RBM27: variants seen among roughly 807,000 people sequenced by gnomAD.
RBM27 encodes RNA binding motif protein 27.
A neutral mutation model predicts 135.3 loss-of-function variants in RBM27; 22 were observed. That is an observed-to-expected ratio of 0.16 (90% CI 0.12 to 0.23). The LOEUF (loss-of-function observed/expected upper bound fraction) is 0.23. Among genes scored for constraint, RBM27 ranks in the 10% least tolerant of loss-of-function variants. RBM27 has a pLI of 1.00. For missense variants in RBM27, 1,009 were observed against 1,281.0 expected, an observed-to-expected ratio of 0.79 and a Z score of 3.24; for synonymous variants, 481 against 442.4, an observed-to-expected ratio of 1.09 and a Z score of -1.10.
At chr5:146,284,255 T>C (rs2126924510) in intron 19 of RBM27, among the ~76,000 whole-genome samples, 1 of 152,304 alleles carries the variant, frequency 6.6e-6, no homozygotes, top group East Asian at 1.9e-4. Context: ...TTTCTAAGGT[T>C]TGAGTCTATA....
intron 19 of RBM27, among the ~76,000 whole-genome samples, chr5:146,275,013 A>G (rs1320881871): frequency 2.0e-5 from 3 of 150,638 alleles, no homozygotes; most frequent in East Asian, 1.9e-4. Flanking sequence ...TTGTACTTCA[A>G]TGGATGAACA....
chr5:146,237,927 A>G (rs1048232892), intron 8 of RBM27, among the ~76,000 whole-genome samples: 2 of 152,098 alleles, frequency 1.3e-5, no homozygotes, highest in Non-Finnish European at 2.9e-5. Context: ...ACCTCAGGTG[A>G]TCTACCTGCC....
At chr5:146,243,599 A>T (rs1437991511) in intron 8 of RBM27, among the ~76,000 whole-genome samples, 1 of 152,236 alleles carries the variant, frequency 6.6e-6, no homozygotes, top group African/African-American at 2.4e-5. Context: ...CTCAACTCGT[A>T]CTATAATTGG....
At chr5:146,208,291 G>T (rs1258777977) in intron 1 of RBM27, among the ~76,000 whole-genome samples, 2 of 152,148 alleles carry the variant, frequency 1.3e-5, no homozygotes, top group Non-Finnish European at 2.9e-5. Flanking sequence ...GTTTACAGTT[G>T]ATTATTCCCT....
intron 8 of RBM27, among the ~76,000 whole-genome samples, chr5:146,243,648 A>T (rs1224551958): frequency 6.6e-6 from 1 of 152,254 alleles, no homozygotes; most frequent in African/African-American, 2.4e-5. Flanking sequence ...CAAATAAAGT[A>T]AAAAGCTATA....
At chr5:146,283,552 A>T (rs1561573386) in intron 19 of RBM27, among the ~76,000 whole-genome samples, 1 of 152,226 alleles carries the variant, frequency 6.6e-6, no homozygotes, top group East Asian at 1.9e-4. Flanking sequence ...AGAAAAAAAA[A>T]AGGTACATAT....
intron 8 of RBM27, among the ~76,000 whole-genome samples, chr5:146,238,319 A>G (rs991528496): frequency 3.9e-5 from 6 of 151,976 alleles, no homozygotes; most frequent in African/African-American, 1.4e-4. Flanking sequence ...GACCATCCTG[A>G]CCAACATGGA....
Position 146,203,838 on chromosome 5 carries a change from G to C in RBM27, c.59+14G>C, listed in dbSNP as rs577276257. On this transcript the variant is annotated intron_variant, in intron 1 of 20. Transcript: ENST00000265271. ...ACTGGAGCCGATGTGAGTGAGCCGG[G>C]CTGGGCCGGGGCCGGCGAACGTGGG... 9.7e-6 allele frequency: 15 copies of C among 1,547,546 alleles called. No individual in the cohort carries two copies. The highest frequency in any genetic ancestry group is 8.4e-5 in the South Asian group (7 of 83,710).
chr5:146,218,885 T>G, intron 1 of RBM27, 100 bp from the exon 2 acceptor site: 1 of 664,434 alleles, frequency 1.5e-6, no homozygotes, highest in Non-Finnish European at 2.5e-6. Context: ...GAATAGAGTT[T>G]TGATTTCTCG....
In RBM27 at chr5:146,230,695, G is replaced by T; in HGVS notation, c.628G>T (p.Asp210Tyr). Reference sequence around the variant, plus strand: ...ATCGAAGTTTAAGAGTGAAAGGAATGACCTGGAGAGTTCCTATGTGCCTGT... The same window carrying T: ...ATCGAAGTTTAAGAGTGAAAGGAATTACCTGGAGAGTTCCTATGTGCCTGT... ...ERSKFKSERN[D>Y]LESSYVPVSA... The change falls in exon 6 of 21, where the codon GAC becomes TAC. Residue 210 changes from aspartate to tyrosine, a missense_variant. Physicochemically the swap from Asp to Tyr is radical, Grantham distance 160 (BLOSUM62 -3). Coordinates refer to ENST00000265271, the MANE Select transcript of RBM27 (RefSeq NM_018989.2). 1 of 1,613,998 alleles carries T rather than the reference G, an allele frequency of 6.2e-7. No individual in the cohort carries two copies. The highest frequency in any genetic ancestry group is 8.5e-7 in the Non-Finnish European group (1 of 1,179,930).
intron 1 of RBM27, among the ~76,000 whole-genome samples, chr5:146,204,397 TGAAAA>T (rs1349899880): frequency 6.6e-6 from 1 of 152,078 alleles, no homozygotes; most frequent in Non-Finnish European, 1.5e-5. Context: ...ATGGAGTAGA[TGAAAA>T]GGATGTGTGG....
chr5:146,216,266 G>A (rs1329937438), intron 1 of RBM27, among the ~76,000 whole-genome samples: 1 of 152,064 alleles, frequency 6.6e-6, no homozygotes, highest in Non-Finnish European at 1.5e-5. Flanking sequence ...AAAACTTCTG[G>A]ACTCAAGCGA....
At chr5:146,252,389 T>G (rs999420732) in intron 9 of RBM27, among the ~76,000 whole-genome samples, 4 of 152,204 alleles carry the variant, frequency 2.6e-5, no homozygotes, top group Admixed American at 1.3e-4. Flanking sequence ...GGGTGTTTCA[T>G]GAGGTGTTTT....
intron 8 of RBM27, among the ~76,000 whole-genome samples, chr5:146,242,160 G>A (rs1757433993): frequency 6.6e-6 from 1 of 152,106 alleles, no homozygotes; most frequent in African/African-American, 2.4e-5. Context: ...TCTTACCCAG[G>A]CTGGGTGCTC....
At chr5:146,223,329 G>A (rs1581154242) in intron 2 of RBM27, 74 bp from the exon 3 acceptor site, 6 of 1,403,858 alleles carry the variant, frequency 4.3e-6, no homozygotes, top group Middle Eastern at 2.2e-4. Flanking sequence ...GTTTTCCTGA[G>A]CTTTGCTGAC....
intron 8 of RBM27, among the ~76,000 whole-genome samples, chr5:146,240,845 A>G (rs1757376837): frequency 6.6e-6 from 1 of 152,168 alleles, no homozygotes; most frequent in Non-Finnish European, 1.5e-5. Flanking sequence ...GCGTCTTTTC[A>G]TAGAACATGT....
At chr5:146,263,819 A>G (rs931369917) in intron 14 of RBM27, among the ~76,000 whole-genome samples, 188 bp downstream of exon 14, 2 of 152,248 alleles carry the variant, frequency 1.3e-5, no homozygotes, top group Non-Finnish European at 1.5e-5. Flanking sequence ...AAAATTAAGT[A>G]GGAGGCTGGG....
At chr5:146,278,553 A>G (rs1029819387) in intron 19 of RBM27, among the ~76,000 whole-genome samples, 1 of 152,106 alleles carries the variant, frequency 6.6e-6, no homozygotes, top group African/African-American at 2.4e-5. Flanking sequence ...AGCATGTTAT[A>G]CAACACCGTT....
intron 14 of RBM27, among the ~76,000 whole-genome samples, chr5:146,263,892 G>A (rs1473572276): frequency 6.6e-6 from 1 of 151,422 alleles, no homozygotes. Flanking sequence ...ATCACCTGAG[G>A]TCAGGAGTTT....
Sources: gnomAD v4.1 joint callset for allele counts (sites outside exome capture counted in the v4.1 genomes callset) on GRCh38, gnomAD v4.1.1 for gene constraint, MANE v1.5 for transcripts, NCBI Gene and HGNC (gene_info 2026-07-23, HGNC 2026-07-21) for gene names.